CLEC12A: variants seen among roughly 807,000 people sequenced by gnomAD.
The protein encoded by CLEC12A is C-type lectin domain family 12 member A, also known as C-type lectin protein CLL-1.
In CLEC12A, 22 loss-of-function variants were observed where a neutral mutation model predicts 26.5. That is an observed-to-expected ratio of 0.83 (90% CI 0.59 to 1.19). The LOEUF (loss-of-function observed/expected upper bound fraction) is 1.19. Among genes scored for constraint, CLEC12A ranks in the 50% most tolerant of loss-of-function variants. The pLI is 0.00. For synonymous variants in CLEC12A, 119 were observed against 101.9 expected, an observed-to-expected ratio of 1.17 and a Z score of -1.01; for missense variants, 353 against 315.6, an observed-to-expected ratio of 1.12 and a Z score of -0.90.
intron 1 of CLEC12A, among the ~76,000 whole-genome samples, chr12:9,953,733 GC>G (rs1462722136): frequency 2.6e-5 from 4 of 152,048 alleles, no homozygotes; most frequent in African/African-American, 9.6e-5. Flanking sequence ...TTGAGAACGG[GC>G]CAGGATGACA....
chr12:9,968,839 C>G (rs1864032841), upstream of CLEC12A, among the ~76,000 whole-genome samples: 1 of 152,160 alleles, frequency 6.6e-6, no homozygotes, highest in Non-Finnish European at 1.5e-5. Context: ...CATATCTTGT[C>G]TATTGCAAAT....
upstream of CLEC12A, among the ~76,000 whole-genome samples, chr12:9,971,019 C>T (rs1484489248): frequency 6.6e-6 from 1 of 152,184 alleles, no homozygotes; most frequent in Non-Finnish European, 1.5e-5. Flanking sequence ...ATGACACTAA[C>T]TGTCTCATTC....
At chr12:9,953,204 G>T (rs1863666091) in intron 1 of CLEC12A, 1 of 117,056 alleles carries the variant, frequency 8.5e-6, no homozygotes, top group Non-Finnish European at 1.8e-5. Flanking sequence ...CCCCTGCCCG[G>T]CCAGCCGCCC....
intron 1 of CLEC12A, among the ~76,000 whole-genome samples, chr12:9,961,148 C>G (rs909840236): frequency 6.6e-6 from 1 of 152,150 alleles, no homozygotes; most frequent in African/African-American, 2.4e-5. Flanking sequence ...AAAGAAATGT[C>G]TGGGTTGTGG....
downstream of CLEC12A, among the ~76,000 whole-genome samples, chr12:9,989,437 C>T (rs1864846422): frequency 6.6e-6 from 1 of 152,134 alleles, no homozygotes; most frequent in African/African-American, 2.4e-5. Flanking sequence ...AGCCTTATTG[C>T]TGATATGGAG....
chr12:9,964,542 T>C (rs1863896226), intron 1 of CLEC12A, among the ~76,000 whole-genome samples: 2 of 152,246 alleles, frequency 1.3e-5, no homozygotes, highest in South Asian at 4.1e-4. Context: ...GAGGGTCCCC[T>C]GCCAGCAAAG....
downstream of CLEC12A, among the ~76,000 whole-genome samples, chr12:9,986,794 G>C (rs1351044214): frequency 6.6e-6 from 1 of 152,132 alleles, no homozygotes; most frequent in Non-Finnish European, 1.5e-5. Context: ...CTGGGTGACA[G>C]AGCAAGATTC....
chr12:9,968,676 C>A (rs1358639342), upstream of CLEC12A, among the ~76,000 whole-genome samples: 2 of 152,112 alleles, frequency 1.3e-5, no homozygotes, highest in African/African-American at 4.8e-5. Flanking sequence ...TTAGCTTGGG[C>A]TCAGAGGCCT....
intron 4 of CLEC12A, chr12:9,993,155 G>C: frequency 1.2e-6 from 2 of 1,610,076 alleles, no homozygotes; most frequent in Non-Finnish European, 1.7e-6. Flanking sequence ...AAGGTAGTTG[G>C]TCCACCTTGG....
intron 2 of CLEC12A, 39 bp downstream of exon 2, chr12:9,979,103 A>G: frequency 6.7e-7 from 1 of 1,493,110 alleles, no homozygotes; most frequent in East Asian, 2.3e-5. Flanking sequence ...GGAAGTATCT[A>G]GAATTTCAAA....
At chr12:9,969,904 C>A (rs570767463), upstream of CLEC12A, among the ~76,000 whole-genome samples, 3 of 152,326 alleles carry the variant, frequency 2.0e-5, no homozygotes, top group South Asian at 6.2e-4. Flanking sequence ...ACAAACTTAA[C>A]CACTTTGCAA....
At position 9,979,073 on chromosome 12, in the gene CLEC12A, T is replaced by C. The variant is rs1246224433; in HGVS notation, c.190+9T>C. Reference sequence around the variant, plus strand: ...AGTCTTGGCAAGCATGTGTATGTACTGCCCCTGTTTTTGTCAAGAGGAAGT... The same window carrying C: ...AGTCTTGGCAAGCATGTGTATGTACCGCCCCTGTTTTTGTCAAGAGGAAGT... On this transcript the variant is annotated intron_variant, in intron 2 of 5. Coordinates refer to ENST00000304361, the MANE Select transcript of CLEC12A (RefSeq NM_138337.6). The C allele has an allele frequency of 6.2e-7, 1 of 1,602,690 alleles. No homozygotes were observed. The highest frequency in any genetic ancestry group is 8.5e-7 in the Non-Finnish European group (1 of 1,170,056).
At chr12:10,001,076 T>C in the CLEC12A span, among the ~76,000 whole-genome samples, 3 of 152,220 alleles carry the variant, frequency 2.0e-5, no homozygotes, top group Admixed American at 6.5e-5. Flanking sequence ...TTAAATCAGA[T>C]ATGTAAAGGT....
chr12:9,975,443 A>T (rs1864298266), intron 1 of CLEC12A, among the ~76,000 whole-genome samples: 1 of 152,294 alleles, frequency 6.6e-6, no homozygotes, highest in East Asian at 1.9e-4. Context: ...TAGCAAAGTG[A>T]CTGGTAGCAT....
At chr12:9,981,632 T>C (rs1245532338) in intron 4 of CLEC12A, among the ~76,000 whole-genome samples, 1 of 152,246 alleles carries the variant, frequency 6.6e-6, no homozygotes, top group African/African-American at 2.4e-5. Context: ...CACATCTGAG[T>C]GTGTGGCATT....
intron 4 of CLEC12A, among the ~76,000 whole-genome samples, chr12:9,981,460 G>C (rs1864553239): frequency 6.6e-6 from 1 of 152,092 alleles, no homozygotes; most frequent in African/African-American, 2.4e-5. Context: ...TTATAGAAGA[G>C]AGATAAATCA....
chr12:9,986,417 C>T (rs558042361), downstream of CLEC12A, among the ~76,000 whole-genome samples: 3 of 134,384 alleles, frequency 2.2e-5, no homozygotes, highest in Admixed American at 7.9e-5. Flanking sequence ...TCCTTTATCC[C>T]CCCCCCCCTT....
At chr12:9,956,652 A>G (rs559787639) in intron 1 of CLEC12A, among the ~76,000 whole-genome samples, 1 of 152,344 alleles carries the variant, frequency 6.6e-6, no homozygotes, top group South Asian at 2.1e-4. Context: ...GCCTATATGA[A>G]CAATAATTCT....
intron 1 of CLEC12A, 26 bp downstream of exon 1, chr12:9,971,713 T>C (rs1293750726): frequency 1.3e-6 from 2 of 1,597,634 alleles, no homozygotes; most frequent in Admixed American, 3.4e-5. Flanking sequence ...ATGGATGTGT[T>C]GTAAGTTTGT....
Sources: gnomAD v4.1 joint callset for allele counts (sites outside exome capture counted in the v4.1 genomes callset) on GRCh38, gnomAD v4.1.1 for gene constraint, MANE v1.5 for transcripts, NCBI Gene and HGNC (gene_info 2026-07-23, HGNC 2026-07-21) for gene names.